SHISA9: variants seen among roughly 807,000 people sequenced by gnomAD.
The protein encoded by SHISA9 is protein shisa-9.
In SHISA9, 13 loss-of-function variants were observed where a neutral mutation model predicts 38.0. That is an observed-to-expected ratio of 0.34 (90% CI 0.22 to 0.54). SHISA9 has a LOEUF of 0.54. SHISA9 is among the 20% of genes least tolerant of loss of function. The probability of loss-of-function intolerance (pLI) is 0.91; values close to 1 mark genes in which losing one functional copy is unlikely to be tolerated. For synonymous variants in SHISA9, 275 were observed against 242.0 expected, an observed-to-expected ratio of 1.14 and a Z score of -1.27; for missense variants, 538 against 575.8, an observed-to-expected ratio of 0.93 and a Z score of 0.67.
At chr16:13,012,895 T>A (rs1042660953) in intron 2 of SHISA9, among the ~76,000 whole-genome samples, 13 of 152,134 alleles carry the variant, frequency 8.5e-5, no homozygotes, top group Admixed American at 3.9e-4. Context: ...GTGTGAGTGC[T>A]GTGACAGCCT....
At chr16:13,231,162 G>A (rs2051328204) in intron 4 of SHISA9, among the ~76,000 whole-genome samples, 1 of 152,182 alleles carries the variant, frequency 6.6e-6, no homozygotes, top group Non-Finnish European at 1.5e-5. Context: ...TCCTGCAAGA[G>A]AAGAGGAGCA....
chr16:13,201,481 C>T (rs1322415151), intron 2 of SHISA9, among the ~76,000 whole-genome samples: 1 of 134,270 alleles, frequency 7.4e-6, no homozygotes, highest in Admixed American at 7.3e-5. Flanking sequence ...TCACAGTTGG[C>T]TGAATCCAAG....
the SHISA9 span, among the ~76,000 whole-genome samples, chr16:13,295,927 G>C: frequency 1.3e-5 from 2 of 152,166 alleles, no homozygotes; most frequent in Admixed American, 1.3e-4. Flanking sequence ...AAAGTCATAA[G>C]GCAAGTCCTC....
At chr16:13,222,470 CT>C (rs760232051) in intron 4 of SHISA9, among the ~76,000 whole-genome samples, 1 of 152,106 alleles carries the variant, frequency 6.6e-6, no homozygotes, top group East Asian at 1.9e-4. Context: ...ACAAGGATTT[CT>C]TTTTTTAAAG....
chr16:13,287,554 G>T, the SHISA9 span, among the ~76,000 whole-genome samples: 6 of 152,298 alleles, frequency 3.9e-5, no homozygotes, highest in South Asian at 8.3e-4. Flanking sequence ...CAAAAGAATT[G>T]TAAGTCGATC....
chr16:12,916,792 C>T lies in SHISA9; in HGVS notation c.668C>T (p.Thr223Met), dbSNP rs1385789089. The T allele has an allele frequency of 2.6e-6, 4 of 1,551,796 alleles. No homozygotes were observed. In the African/African-American group the frequency reaches 5.5e-5, roughly 21 times the overall value. Reference protein sequence around the residue: ...VHVQHYENMDTRTPINNLHAT... With the variant: ...VHVQHYENMDMRTPINNLHAT... ...GTCCAGCATTATGAGAACATGGACA[C>T]GAGAACCCCCATAAATAATCTTCGT... The change falls in exon 2 of 5, where the codon ACG becomes ATG. Residue 223 changes from threonine to methionine, a missense_variant. Coordinates refer to ENST00000558583, the MANE Select transcript of SHISA9 (RefSeq NM_001145204.3).
chr16:13,536,001 C>CTT, the SHISA9 span, among the ~76,000 whole-genome samples: 2 of 144,742 alleles, frequency 1.4e-5, no homozygotes, highest in African/African-American at 5.1e-5. Flanking sequence ...ATATTTTTTT[C>CTT]TTTTTTTTTT....
the SHISA9 span, among the ~76,000 whole-genome samples, chr16:13,340,710 C>A: frequency 2.0e-5 from 3 of 152,178 alleles, no homozygotes; most frequent in Admixed American, 2.0e-4. Flanking sequence ...CTGGCCTTAG[C>A]CATGATGGCC....
intron 2 of SHISA9, among the ~76,000 whole-genome samples, chr16:13,102,278 T>G (rs893697901): frequency 2.6e-5 from 4 of 152,210 alleles, no homozygotes; most frequent in Admixed American, 2.6e-4. Context: ...CACCTAGCAC[T>G]GTGCACCAGC....
chr16:13,353,846 A>C, the SHISA9 span, among the ~76,000 whole-genome samples: 1 of 152,186 alleles, frequency 6.6e-6, no homozygotes, highest in East Asian at 1.9e-4. Flanking sequence ...TAAAGGTTTC[A>C]CTGAATACTA....
Position 12,938,664 on chromosome 16 carries a change from AT to A in SHISA9, c.691+21859del, listed in dbSNP as rs572068246. On this transcript the variant is annotated intron_variant, in intron 2 of 4. Transcript: ENST00000558583. ...CGGCACCTGCCACCACGCCCAGCTA[AT>A]TTTTTTTTTGTATTTTTAGTAGAGA... Among the ~76,000 whole-genome samples the A allele has an allele frequency of 6.7e-4, 100 of 149,506 alleles. No homozygotes were observed. In the East Asian group the frequency reaches 0.012, roughly 19 times the overall value.
the SHISA9 span, among the ~76,000 whole-genome samples, chr16:13,287,835 G>C: frequency 6.6e-6 from 1 of 152,146 alleles, no homozygotes; most frequent in African/African-American, 2.4e-5. Flanking sequence ...GATAAATGGA[G>C]GCCTCCTAGA....
chr16:13,530,799 A>G, the SHISA9 span, among the ~76,000 whole-genome samples: 6 of 152,132 alleles, frequency 3.9e-5, no homozygotes, highest in East Asian at 1.2e-3. Flanking sequence ...TCCAAGGGTG[A>G]CCTGATTGGT....
chr16:13,422,146 C>A, the SHISA9 span, among the ~76,000 whole-genome samples: 114,891 of 152,052 alleles, frequency 0.76, 43,588 homozygotes, highest in Admixed American at 0.83. Flanking sequence ...CCAACCCACT[C>A]GTAAAATACG....
chr16:13,552,192 G>C, the SHISA9 span, among the ~76,000 whole-genome samples: 4 of 152,180 alleles, frequency 2.6e-5, no homozygotes, highest in Admixed American at 1.3e-4. Context: ...CATCTCTGCA[G>C]AGAAACCAAG....
rs1010533367 is a variant in SHISA9 at position 12,918,624 on chromosome 16, T to G, written c.691+1809T>G. On this transcript the variant is annotated intron_variant, in intron 2 of 4. Transcript: ENST00000558583. Reference sequence around the variant, plus strand: ...TGGGTGTCCAGGGACAGAAGTCTCTTGCGCCAGGCTGCTTTGGTTTATTTA... The same window carrying G: ...TGGGTGTCCAGGGACAGAAGTCTCTGGCGCCAGGCTGCTTTGGTTTATTTA... 2.4e-4 allele frequency among the ~76,000 whole-genome samples: 37 copies of G among 152,350 alleles called. 1 individual carries two copies. Among genetic ancestry groups the G allele is most frequent in the Middle Eastern group, 3.4e-3 (1 of 294 alleles).
intron 2 of SHISA9, among the ~76,000 whole-genome samples, chr16:12,985,241 G>GTAAGTAAA (rs375295293): frequency 3.4e-5 from 5 of 149,068 alleles, no homozygotes; most frequent in African/African-American, 7.4e-5. Flanking sequence ...AAATAAATAA[G>GTAAGTAAA]TAAATAAATA....
the SHISA9 span, among the ~76,000 whole-genome samples, chr16:13,452,638 C>G: frequency 1.3e-5 from 2 of 152,146 alleles, no homozygotes; most frequent in Non-Finnish European, 2.9e-5. Flanking sequence ...CAAAGAAAAG[C>G]TGATCACATC....
the SHISA9 span, among the ~76,000 whole-genome samples, chr16:13,278,005 G>C: frequency 6.6e-6 from 1 of 151,938 alleles, no homozygotes; most frequent in Non-Finnish European, 1.5e-5. Flanking sequence ...ATTCTCAGAG[G>C]GAATGCTTTC....
Sources: gnomAD v4.1 joint callset for allele counts (sites outside exome capture counted in the v4.1 genomes callset) on GRCh38, gnomAD v4.1.1 for gene constraint, MANE v1.5 for transcripts, NCBI Gene and HGNC (gene_info 2026-07-23, HGNC 2026-07-21) for gene names.